The following LRCH1 variants were observed in gnomAD, a reference collection of about 807,000 sequenced individuals.
LRCH1 encodes leucine-rich repeat and calponin homology domain-containing protein 1.
A neutral mutation model predicts 94.9 loss-of-function variants in LRCH1; 23 were observed. The observed-to-expected ratio is 0.24, with a 90% CI of 0.17 to 0.34. The LOEUF (loss-of-function observed/expected upper bound fraction) is 0.34, where lower values mean the gene tolerates loss of function less well. LRCH1 is among the 10% of genes least tolerant of loss of function. The probability of loss-of-function intolerance (pLI) is 1.00; values close to 1 mark genes in which losing one functional copy is unlikely to be tolerated. For synonymous variants in LRCH1, 364 were observed against 354.9 expected (o/e 1.03, Z -0.29); for missense variants, 790 against 945.9 (o/e 0.84, Z 2.16).
intron 2 of LRCH1, among the ~76,000 whole-genome samples, chr13:46,660,161 G>A (rs538495411): frequency 1.3e-5 from 2 of 149,574 alleles, no homozygotes; most frequent in East Asian, 2.0e-4. Context: ...ACAGGCGCCC[G>A]CCACCACGCC....
chr13:46,746,567 C>T (rs560713951), downstream of LRCH1, among the ~76,000 whole-genome samples: 7 of 152,326 alleles, frequency 4.6e-5, no homozygotes, highest in East Asian at 1.2e-3. Context: ...AACTAAGAGT[C>T]TACTGTCACG....
chr13:46,743,491 T>G lies in LRCH1; in HGVS notation c.*1643T>G, dbSNP rs1873768650. On this transcript the variant is annotated 3_prime_UTR_variant, in exon 20 of 20. Coordinates refer to ENST00000389797, the MANE Select transcript of LRCH1 (RefSeq NM_001164211.2). ...CACAGATGTACTGAATTACTTTTGG[T>G]GCTATCTTGTACTCTTCAATCTGTA... 1 of 985,856 alleles carries G rather than the reference T, an allele frequency of 1.0e-6. No homozygotes were observed. Among genetic ancestry groups the G allele is most frequent in the Non-Finnish European group, 1.2e-6 (1 of 829,904 alleles). 61.1% of individuals were successfully genotyped at this position (985,856 alleles called of 1,614,324 possible).
intron 4 of LRCH1, 94 bp downstream of exon 4, chr13:46,681,940 G>GTGTGTT: frequency 1.6e-6 from 1 of 614,890 alleles, no homozygotes; most frequent in East Asian, 2.8e-5. Flanking sequence ...CGATCTTTGT[G>GTGTGTT]TGTGTGTGTG....
chr13:46,618,449 A>G (rs2050838323), intron 1 of LRCH1, among the ~76,000 whole-genome samples: 1 of 152,198 alleles, frequency 6.6e-6, no homozygotes, highest in Non-Finnish European at 1.5e-5. Context: ...AAGTATAGCT[A>G]CTTTAATTTT....
chr13:46,567,415 G>T (rs2050195789), intron 1 of LRCH1, among the ~76,000 whole-genome samples: 1 of 151,762 alleles, frequency 6.6e-6, no homozygotes, highest in Admixed American at 6.6e-5. Context: ...CTGTGCAATT[G>T]ACGGCAAATA....
chr13:46,662,279 C>T (rs188616755), intron 2 of LRCH1, among the ~76,000 whole-genome samples: 205 of 152,276 alleles, frequency 1.3e-3, no homozygotes, highest in African/African-American at 4.8e-3. Context: ...TGTATCTTTC[C>T]TAGTCATTTA....
chr13:46,630,440 G>A (rs2051004737), intron 1 of LRCH1, among the ~76,000 whole-genome samples: 1 of 152,152 alleles, frequency 6.6e-6, no homozygotes, highest in Admixed American at 6.5e-5. Context: ...TAGCAATGGG[G>A]GACTTAAGCT....
chr13:46,554,722 G>T (rs933374569), intron 1 of LRCH1, among the ~76,000 whole-genome samples: 5 of 152,206 alleles, frequency 3.3e-5, no homozygotes, highest in Admixed American at 1.3e-4. Context: ...GGTCTATACA[G>T]AACTGACTTG....
intron 17 of LRCH1, among the ~76,000 whole-genome samples, chr13:46,726,955 A>G (rs1445755212): frequency 6.6e-6 from 1 of 151,444 alleles, no homozygotes; most frequent in Non-Finnish European, 1.5e-5. Context: ...CCAGGTTTCC[A>G]CTGCAAATCC....
chr13:46,739,483 A>G (rs1457409477), intron 19 of LRCH1, among the ~76,000 whole-genome samples: 1 of 152,198 alleles, frequency 6.6e-6, no homozygotes, highest in Non-Finnish European at 1.5e-5. Flanking sequence ...ATAAAGTATA[A>G]TCTCTACGTC....
At chr13:46,581,836 C>T (rs1431040020) in intron 1 of LRCH1, among the ~76,000 whole-genome samples, 1 of 152,062 alleles carries the variant, frequency 6.6e-6, no homozygotes, top group African/African-American at 2.4e-5. Flanking sequence ...TTTTTTGTCC[C>T]CCCATTCCAT....
intron 1 of LRCH1, among the ~76,000 whole-genome samples, chr13:46,619,736 G>A (rs1355080340): frequency 6.6e-6 from 1 of 152,196 alleles, no homozygotes; most frequent in Non-Finnish European, 1.5e-5. Flanking sequence ...CACTACTGTT[G>A]TTTTTGCTGT....
At chr13:46,624,120 A>T (rs563030020) in intron 1 of LRCH1, among the ~76,000 whole-genome samples, 1 of 151,898 alleles carries the variant, frequency 6.6e-6, no homozygotes, top group Admixed American at 6.6e-5. Flanking sequence ...CTGGCCTTAA[A>T]TGATCCTCCT....
chr13:46,692,487 A>T (rs758611903), intron 7 of LRCH1, 49 bp from the exon 8 acceptor site: 7 of 1,268,628 alleles, frequency 5.5e-6, no homozygotes, highest in Admixed American at 3.4e-5. Flanking sequence ...CTCCTTATCT[A>T]CATTGATAAC....
intron 1 of LRCH1, among the ~76,000 whole-genome samples, chr13:46,649,909 C>T (rs749147039): frequency 2.0e-5 from 3 of 151,572 alleles, no homozygotes; most frequent in Non-Finnish European, 4.4e-5. Flanking sequence ...ATTTTGCATA[C>T]TTGTCTGGTA....
intron 2 of LRCH1, among the ~76,000 whole-genome samples, chr13:46,666,887 T>A (rs7987387): frequency 0.64 from 96,905 of 151,990 alleles, 31,360 homozygotes; most frequent in Middle Eastern, 0.72. Context: ...GAGAGAGCCT[T>A]GGGAGGGATG....
intron 1 of LRCH1, among the ~76,000 whole-genome samples, chr13:46,594,097 G>A (rs893428951): frequency 1.3e-5 from 2 of 152,128 alleles, no homozygotes; most frequent in Non-Finnish European, 2.9e-5. Context: ...GAAGTAACTT[G>A]CCAAGAACAG....
At chr13:46,719,325 T>A (rs1461555407) in intron 16 of LRCH1, among the ~76,000 whole-genome samples, 5 of 152,266 alleles carry the variant, frequency 3.3e-5, no homozygotes, top group Admixed American at 3.3e-4. Context: ...TTCAACAAAC[T>A]CATTCTGCCC....
At position 46,677,393 on chromosome 13, in the gene LRCH1, G is replaced by A. The variant is rs182717929; in HGVS notation, c.580-4348G>A. On this transcript the variant is annotated intron_variant, in intron 3 of 19. Transcript: ENST00000389797. ...TGCAGTGAGCCAAGATCGCGCCATCGCACTCCAATCTGGGCGACAGAGCGA... is the reference window on the plus strand; with the variant it reads ...TGCAGTGAGCCAAGATCGCGCCATCACACTCCAATCTGGGCGACAGAGCGA... Among the ~76,000 whole-genome samples the A allele has an allele frequency of 9.9e-4, 150 of 152,066 alleles. 1 individual carries two copies. The highest frequency in any genetic ancestry group is 3.4e-3 in the Middle Eastern group (1 of 292).
Sources: allele counts gnomAD v4.1 joint callset (sites outside exome capture counted in the v4.1 genomes callset), GRCh38; gene constraint gnomAD v4.1.1; transcripts MANE v1.5; gene names NCBI Gene and HGNC (gene_info 2026-07-23, HGNC 2026-07-21).